CEP192: variants seen among roughly 807,000 people sequenced by gnomAD.
CEP192 encodes centrosomal protein of 192 kDa.
Under a neutral mutation model 271.8 loss-of-function variants are expected in CEP192, and 151 were observed. The ratio of observed to expected loss-of-function variants is 0.56; its 90% CI spans 0.49 to 0.64. The LOEUF (loss-of-function observed/expected upper bound fraction) is 0.64, where lower values mean the gene tolerates loss of function less well. Among genes scored for constraint, CEP192 ranks in the 30% least tolerant of loss-of-function variants. The probability of loss-of-function intolerance (pLI) is 0.00; values close to 1 mark genes in which losing one functional copy is unlikely to be tolerated. For synonymous variants in CEP192, 995 were observed against 1,076.5 expected, an observed-to-expected ratio of 0.92 and a Z score of 1.48; for missense variants, 2,910 against 3,020.5, an observed-to-expected ratio of 0.96 and a Z score of 0.86.
chr18:13,099,144 CG>C (rs1263818919), intron 36 of CEP192, among the ~76,000 whole-genome samples: 1 of 125,430 alleles, frequency 8.0e-6, no homozygotes, highest in Non-Finnish European at 1.6e-5. Flanking sequence ...AGTCCAGCTT[CG>C]GCTCGGCATC....
chr18:13,002,712 A>C (rs2033729223), intron 3 of CEP192, among the ~76,000 whole-genome samples: 1 of 152,218 alleles, frequency 6.6e-6, no homozygotes, highest in Non-Finnish European at 1.5e-5. Context: ...ACATATGTAT[A>C]TATGCATGAA....
Position 12,991,851 on chromosome 18 carries a change from C to T in CEP192, c.-5+414C>T, listed in dbSNP as rs149035503. ...ACCGGTGATGTTTCCTTTATGTGCCCTGTGATGGGCGGTTCTGTTCCTCCT... is the reference window on the plus strand; with the variant it reads ...ACCGGTGATGTTTCCTTTATGTGCCTTGTGATGGGCGGTTCTGTTCCTCCT... On this transcript the variant is annotated intron_variant, in intron 1 of 44. Coordinates refer to ENST00000506447, the MANE Select transcript of CEP192 (RefSeq NM_032142.4). Among the ~76,000 whole-genome samples the T allele has an allele frequency of 6.0e-3, 908 of 152,294 alleles. 9 individuals carry two copies. Among genetic ancestry groups the T allele is most frequent in the African/African-American group, 0.021 (873 of 41,560 alleles).
Position 13,103,566 on chromosome 18 carries a change from C to T in CEP192, c.6929C>T (p.Ser2310Phe), listed in dbSNP as rs779006322. ...ACAGACGTGAAATGGCATCTGTCAT[C>T]TTTAGCGCCACCTTATGTCAAGGTC... is the stretch of plus-strand genomic sequence containing the variant. ...GTTDVKWHLS[S>F]LAPPYVKGVD... The change falls in exon 39 of 45, where the codon TCT becomes TTT. Residue 2310 changes from serine to phenylalanine, a missense_variant. Ser to Phe is a radical substitution (Grantham distance 155, BLOSUM62 -2). Transcript: ENST00000506447. The T allele has an allele frequency of 1.2e-6, 2 of 1,613,792 alleles. No individual in the cohort carries two copies. Among genetic ancestry groups the T allele is most frequent in the South Asian group, 1.1e-5 (1 of 91,084 alleles).
At chr18:13,073,593 A>G (rs111992124) in intron 30 of CEP192, among the ~76,000 whole-genome samples, 2 of 152,380 alleles carry the variant, frequency 1.3e-5, no homozygotes, top group African/African-American at 2.4e-5. Context: ...TGAGTAATTT[A>G]TAATAAACAA....
At chr18:13,104,189 T>A (rs567042376) in intron 39 of CEP192, among the ~76,000 whole-genome samples, 1 of 152,344 alleles carries the variant, frequency 6.6e-6, no homozygotes, top group East Asian at 1.9e-4. Context: ...TATGTAAAAA[T>A]TGTATTTCTG....
rs2036027008 is a variant in CEP192, at chr18:13,038,420, C to T, written c.1650C>T (p.Ser550=). ...CTTCGGTTGCACTGGGCGATACGTC[C>T]TGGGGAGCTACAATTAATTACAGTC... The part of the protein sequence containing the change: ...HNTSVALGDT[S]WGATINYSLL... Residue 550 remains serine (S), a synonymous_variant, in exon 13 of 45, where the codon TCC becomes TCT. Transcript: ENST00000506447. 1 of 1,551,610 alleles carries T rather than the reference C, an allele frequency of 6.4e-7. No homozygotes were observed. Among genetic ancestry groups the T allele is most frequent in the Non-Finnish European group, 8.7e-7 (1 of 1,146,944 alleles).
chr18:13,054,966 G>A (rs1456198714), intron 18 of CEP192, among the ~76,000 whole-genome samples: 1 of 152,002 alleles, frequency 6.6e-6, no homozygotes, highest in Admixed American at 6.5e-5. Context: ...AATGGGAGAG[G>A]GCTTAGAACA....
intron 18 of CEP192, among the ~76,000 whole-genome samples, chr18:13,054,003 A>AT (rs1178927719): frequency 1.3e-5 from 2 of 151,982 alleles, no homozygotes; most frequent in Non-Finnish European, 2.9e-5. Flanking sequence ...ATTAAAACAA[A>AT]TTTTTTTAGA....
At chr18:12,993,059 G>GAT (rs2032975681) in intron 1 of CEP192, among the ~76,000 whole-genome samples, 1 of 152,196 alleles carries the variant, frequency 6.6e-6, no homozygotes, top group African/African-American at 2.4e-5. Context: ...AGACTCGTGT[G>GAT]ATAGTTCAGA....
rs1246825536 is a variant in CEP192, at chr18:13,000,105, T to C, written c.164+517T>C. Among the ~76,000 whole-genome samples the C allele has an allele frequency of 1.5e-4, 21 of 144,798 alleles. 1 individual carries two copies. The highest frequency in any genetic ancestry group is 6.6e-4 in the South Asian group (3 of 4,544). The allele number at this position is 144,798 out of a possible 152,430, so 95.0% of individuals were successfully genotyped here. On this transcript the variant is annotated intron_variant, in intron 2 of 44. Coordinates refer to ENST00000506447, the MANE Select transcript of CEP192 (RefSeq NM_032142.4). ...TTGTCTTCTCTCTTTTTTTTTTTTTTTTTTTTTTTTTTTGCTAATTAAAAA... is the reference window on the plus strand; with the variant it reads ...TTGTCTTCTCTCTTTTTTTTTTTTTCTTTTTTTTTTTTTGCTAATTAAAAA...
chr18:13,053,052 C>G lies in CEP192; in HGVS notation c.3151C>G (p.Pro1051Ala). ...TGTGTCTGAACCAGAGAGCTCCTATCCTACCACAGCCACAGATGATGCCCT... is the reference window on the plus strand; with the variant it reads ...TGTGTCTGAACCAGAGAGCTCCTATGCTACCACAGCCACAGATGATGCCCT... Reference protein sequence around the residue: ...TYVSEPESSYPTTATDDALED... With the variant: ...TYVSEPESSYATTATDDALED... Residue 1051 changes from proline to alanine, a missense_variant, in exon 18 of 45, where the codon CCT (proline) becomes GCT (alanine). Coordinates refer to ENST00000506447, the MANE Select transcript of CEP192 (RefSeq NM_032142.4). 2 of 1,612,926 alleles carry G rather than the reference C, an allele frequency of 1.2e-6. No homozygotes were observed. Among genetic ancestry groups the G allele is most frequent in the Middle Eastern group, 1.7e-4 (1 of 6,058 alleles).
At chr18:13,069,479 A>G (rs1392655678) in intron 26 of CEP192, among the ~76,000 whole-genome samples, 1 of 152,210 alleles carries the variant, frequency 6.6e-6, no homozygotes, top group Non-Finnish European at 1.5e-5. Context: ...GCACACGTTG[A>G]CATCATTTCT....
chr18:13,059,536 T>C (rs1291571184), intron 21 of CEP192, among the ~76,000 whole-genome samples: 1 of 152,208 alleles, frequency 6.6e-6, no homozygotes, highest in African/African-American at 2.4e-5. Flanking sequence ...AAGCAGAGTA[T>C]AAGGTTAAAC....
rs749661288 is a variant in CEP192, at chr18:13,049,809, G to A, written c.2935G>A (p.Asp979Asn). Residue 979 changes from aspartate (D) to asparagine (N), a missense_variant, in exon 17 of 45, where the codon GAT becomes AAT. By Grantham distance (23) the Asp-to-Asn change is conservative. Transcript: ENST00000506447. ...TGAGCATGGTGGACGTGGCTCAGAG[G>A]ATGAGCAGGAGAGCTTCAGACCTTC... ...SPEHGGRGSE[D>N]EQESFRPSTS... 2 of 1,613,690 alleles carry A rather than the reference G, an allele frequency of 1.2e-6. No homozygotes were observed. Among genetic ancestry groups the A allele is most frequent in the Non-Finnish European group, 1.7e-6 (2 of 1,179,818 alleles).
chr18:13,028,383 T>G (rs1442084866), intron 9 of CEP192, among the ~76,000 whole-genome samples: 1 of 152,206 alleles, frequency 6.6e-6, no homozygotes, highest in Admixed American at 6.5e-5. Flanking sequence ...GGGGAAACAA[T>G]TCAAGACATC....
intron 30 of CEP192, among the ~76,000 whole-genome samples, chr18:13,077,954 CT>C (rs34143023): frequency 0.63 from 96,061 of 151,792 alleles, 30,911 homozygotes; most frequent in African/African-American, 0.75. Flanking sequence ...TTTTATTATA[CT>C]TTTAAGTTCT....
chr18:13,051,868 A>T (rs549977747), intron 17 of CEP192, among the ~76,000 whole-genome samples: 3 of 152,214 alleles, frequency 2.0e-5, no homozygotes, highest in Non-Finnish European at 4.4e-5. Flanking sequence ...AAAAGTTCAG[A>T]ATTCAAATTT....
intron 30 of CEP192, among the ~76,000 whole-genome samples, chr18:13,075,607 C>T (rs531750061): frequency 5.1e-4 from 78 of 152,240 alleles, no homozygotes; most frequent in African/African-American, 1.4e-3. Flanking sequence ...GAAACCGGCA[C>T]CTTGATCTTG....
intron 44 of CEP192, among the ~76,000 whole-genome samples, chr18:13,120,553 A>G (rs1387996687): frequency 6.6e-6 from 1 of 152,260 alleles, no homozygotes; most frequent in East Asian, 1.9e-4. Context: ...GGACAGTTCA[A>G]TTAAGTTAGC....
Sources: allele counts gnomAD v4.1 joint callset (sites outside exome capture counted in the v4.1 genomes callset), GRCh38; gene constraint gnomAD v4.1.1; transcripts MANE v1.5; gene names NCBI Gene and HGNC (gene_info 2026-07-23, HGNC 2026-07-21).